PPP6R2: variants seen among roughly 807,000 people sequenced by gnomAD.
PPP6R2 encodes serine/threonine-protein phosphatase 6 regulatory subunit 2.
Under a neutral mutation model 100.2 loss-of-function variants are expected in PPP6R2, and 62 were observed. That is an observed-to-expected ratio of 0.62 (90% CI 0.50 to 0.76). The LOEUF is 0.76. PPP6R2 is among the 30% of genes least tolerant of loss of function. PPP6R2 has a pLI of 0.00. For missense variants in PPP6R2, 1,142 were observed against 1,276.3 expected, an observed-to-expected ratio of 0.89 and a Z score of 1.60; for synonymous variants, 525 against 514.7, an observed-to-expected ratio of 1.02 and a Z score of -0.27.
At chr22:50,355,818 G>A (rs1440461854) in intron 1 of PPP6R2, among the ~76,000 whole-genome samples, 1 of 149,982 alleles carries the variant, frequency 6.7e-6, no homozygotes. Flanking sequence ...ACTGCGCCTG[G>A]CACAGCCTTA....
chr22:50,339,944 T>TGG (rs2042353350), upstream of PPP6R2, among the ~76,000 whole-genome samples: 3 of 83,360 alleles, frequency 3.6e-5, no homozygotes, highest in African/African-American at 1.4e-4. Flanking sequence ...GGTGTGTGTG[T>TGG]TATGTAGTGT....
rs2066603075 is a variant in PPP6R2 at position 50,444,496 on chromosome 22, C to T, written c.*249C>T. The T allele has an allele frequency of 7.5e-6, 3 of 399,074 alleles. 1 individual carries two copies. In the South Asian group the frequency reaches 8.7e-5, roughly 12 times the overall value. 24.7% of individuals were successfully genotyped at this position (399,074 alleles called of 1,614,324 possible). Reference sequence around the variant, plus strand: ...ACCTCAGCCGCCCCCAAGCCCAGAGCACAGCAATAAGGTCGGCCTGCAGGA... The same window carrying T: ...ACCTCAGCCGCCCCCAAGCCCAGAGTACAGCAATAAGGTCGGCCTGCAGGA... On this transcript the variant is annotated 3_prime_UTR_variant, in exon 24 of 24. Coordinates refer to ENST00000612753, the MANE Select transcript of PPP6R2 (RefSeq NM_001242898.2).
At chr22:50,359,004 C>A (rs908205194) in intron 1 of PPP6R2, among the ~76,000 whole-genome samples, 1,078 of 96,552 alleles carry the variant, frequency 0.011, 47 homozygotes, top group Non-Finnish European at 0.021. Flanking sequence ...CCCCCCCCCC[C>A]CCAACTCTTT....
intron 5 of PPP6R2, among the ~76,000 whole-genome samples, chr22:50,414,918 C>A (rs145806508): frequency 6.6e-6 from 1 of 152,250 alleles, no homozygotes; most frequent in African/African-American, 2.4e-5. Context: ...CCCTTCTCCC[C>A]GCAGTCTCCA....
At chr22:50,333,612 A>G in the PPP6R2 span, among the ~76,000 whole-genome samples, 71 of 152,306 alleles carry the variant, frequency 4.7e-4, no homozygotes, top group Non-Finnish European at 9.1e-4. Flanking sequence ...GATTACAGTC[A>G]TGAGCCACCG....
At chr22:50,370,454 A>AT (rs1029345649) in intron 1 of PPP6R2, among the ~76,000 whole-genome samples, 19 of 138,816 alleles carry the variant, frequency 1.4e-4, no homozygotes, top group Non-Finnish European at 4.7e-5. Context: ...CGCCCAGCTA[A>AT]TTTTTTGTGT....
chr22:50,436,888 C>T (rs2064410725), intron 14 of PPP6R2, 100 bp from the exon 15 acceptor site: 11 of 939,098 alleles, frequency 1.2e-5, no homozygotes, highest in Non-Finnish European at 1.5e-5. Context: ...TGGGTGGGGT[C>T]TGGGAGCCCT....
chr22:50,359,847 G>A (rs1182876208), intron 1 of PPP6R2, among the ~76,000 whole-genome samples: 1 of 152,140 alleles, frequency 6.6e-6, no homozygotes, highest in Non-Finnish European at 1.5e-5. Context: ...CCCATAGAAT[G>A]AGTTGGGAAA....
chr22:50,418,823 T>A, intron 6 of PPP6R2, 44 bp from the exon 7 acceptor site: 2 of 1,506,700 alleles, frequency 1.3e-6, no homozygotes, highest in Non-Finnish European at 1.8e-6. Context: ...TCCTGCTGTT[T>A]CTTCTCCACA....
In PPP6R2 at chr22:50,431,774, G is replaced by A. The variant is rs1393174959; in HGVS notation, c.1335+392G>A. ...GCAGGCCAACCAGGGACTGTCACCC[G>A]GATAGCAAGGCCACAGGTATATCGT... On this transcript the variant is annotated intron_variant, in intron 11 of 23. Coordinates refer to ENST00000612753, the MANE Select transcript of PPP6R2 (RefSeq NM_001242898.2). The surrounding 1 kb of genome is among the most constrained non-coding windows in gnomAD (Gnocchi z 4.8). Among the ~76,000 whole-genome samples the A allele has an allele frequency of 6.6e-5, 10 of 152,288 alleles. No individual in the cohort carries two copies. Among genetic ancestry groups the A allele is most frequent in the Admixed American group, 1.3e-4 (2 of 15,296 alleles).
intron 1 of PPP6R2, among the ~76,000 whole-genome samples, chr22:50,356,712 G>A (rs894203744): frequency 5.3e-5 from 8 of 151,918 alleles, no homozygotes; most frequent in African/African-American, 1.7e-4. Context: ...CGAGGCGGGT[G>A]GATCACAAGG....
intron 10 of PPP6R2, among the ~76,000 whole-genome samples, chr22:50,424,423 C>T (rs575425220): frequency 0.017 from 1,676 of 97,028 alleles, 14 homozygotes; most frequent in East Asian, 0.058. Flanking sequence ...GGTCCGTCCG[C>T]GTGTGGAAGG....
chr22:50,367,857 C>G (rs965752912), intron 1 of PPP6R2, among the ~76,000 whole-genome samples: 23 of 152,100 alleles, frequency 1.5e-4, no homozygotes, highest in Admixed American at 5.9e-4. Flanking sequence ...GGGACCACTA[C>G]TACCAAGACA....
At chr22:50,340,484 G>A (rs2042360286), upstream of PPP6R2, among the ~76,000 whole-genome samples, 1 of 146,572 alleles carries the variant, frequency 6.8e-6, no homozygotes, top group African/African-American at 2.5e-5. Flanking sequence ...TCTCGGGTGT[G>A]TGTGGTGTGT....
intron 2 of PPP6R2, chr22:50,393,477 C>T (rs928378589): frequency 1.0e-6 from 1 of 984,644 alleles, no homozygotes; most frequent in African/African-American, 1.8e-5. Flanking sequence ...ATTCGCCTAA[C>T]AGAACTACAG....
rs769592873 is a variant in PPP6R2, at chr22:50,443,933, C to G, written c.2647C>G (p.Pro883Ala). Residue 883 changes from proline to alanine, a missense_variant, in exon 23 of 24, where the codon CCA (proline) becomes GCA (alanine). Physicochemically the swap from Pro to Ala is conservative, Grantham distance 27. Transcript: ENST00000612753. ...CPAPKEVTAA[P>A]AVAVPPEATV... ...CGCGCCAAAGGAAGTGACTGCTGCCCCAGCCGTGGCTGTGCCCCCCGAGGC... is the reference window on the plus strand; with the variant it reads ...CGCGCCAAAGGAAGTGACTGCTGCCGCAGCCGTGGCTGTGCCCCCCGAGGC... 5.6e-6 allele frequency: 9 copies of G among 1,606,830 alleles called. No individual in the cohort carries two copies. The highest frequency in any genetic ancestry group is 7.6e-6 in the Non-Finnish European group (9 of 1,177,260).
At chr22:50,380,986 C>CAA (rs375160457) in intron 2 of PPP6R2, among the ~76,000 whole-genome samples, 1,803 of 87,800 alleles carry the variant, frequency 0.021, 24 homozygotes, top group East Asian at 0.036. Flanking sequence ...GACTCCATCT[C>CAA]AAAAAAAAAA....
In PPP6R2 at chr22:50,444,800, G is replaced by C. The variant is rs1272347135; in HGVS notation, c.*553G>C. 1 of 156,198 alleles carries C rather than the reference G, an allele frequency of 6.4e-6. No individual in the cohort carries two copies. The highest frequency in any genetic ancestry group is 1.4e-5 in the Non-Finnish European group (1 of 70,820). The allele number at this position is 156,198 out of a possible 1,614,324, so 9.7% of individuals were successfully genotyped here. ...AGCCCTTGGAGCTGGCACTGAACCA[G>C]GCTGCAAGATTTGACTGCCTTAAAA... On this transcript the variant is annotated 3_prime_UTR_variant, in exon 24 of 24. Coordinates refer to ENST00000612753, the MANE Select transcript of PPP6R2 (RefSeq NM_001242898.2).
In PPP6R2 at chr22:50,377,022, G is replaced by A. The variant is rs370761405; in HGVS notation, c.-17+4872G>A. Among the ~76,000 whole-genome samples, 16 of 151,770 alleles carry A rather than the reference G, an allele frequency of 1.1e-4. No homozygotes were observed. In the East Asian group the frequency reaches 2.7e-3, roughly 26 times the overall value. Reference sequence around the variant, plus strand: ...AGCCTGGGCAACAGAGCGAGACTCCGTCTCAAAAAAATAAAAAATAAAAAG... The same window carrying A: ...AGCCTGGGCAACAGAGCGAGACTCCATCTCAAAAAAATAAAAAATAAAAAG... On this transcript the variant is annotated intron_variant, in intron 2 of 23. Transcript: ENST00000612753.
Sources: gnomAD v4.1 joint callset for allele counts (sites outside exome capture counted in the v4.1 genomes callset) on GRCh38, gnomAD v4.1.1 for gene constraint, Gnocchi (gnomAD v3.1) non-coding constraint, MANE v1.5 for transcripts, NCBI Gene and HGNC (gene_info 2026-07-23, HGNC 2026-07-21) for gene names.